Variants in CCDC102B observed in about 807,000 individuals in gnomAD.
CCDC102B encodes coiled-coil domain containing 102B, also known as coiled-coil domain-containing protein 102B.
CCDC102B carries 75 observed loss-of-function variants against 57.4 expected under a neutral mutation model. The ratio of observed to expected loss-of-function variants is 1.31; its 90% CI spans 1.08 to 1.58. The LOEUF (loss-of-function observed/expected upper bound fraction) is 1.58, where lower values mean the gene tolerates loss of function less well. Among genes scored for constraint, CCDC102B ranks in the 40% most tolerant of loss-of-function variants. The pLI is 0.00. For missense variants in CCDC102B, 636 were observed against 582.6 expected (o/e 1.09, Z -0.94); for synonymous variants, 206 against 201.9 (o/e 1.02, Z -0.17).
In CCDC102B at chr18:68,816,297, G is replaced by A. The variant is rs1190156707; in HGVS notation, c.-16+18116G>A. Among the ~76,000 whole-genome samples, 5 of 152,080 alleles carry A rather than the reference G, an allele frequency of 3.3e-5. No individual in the cohort carries two copies. The East Asian group carries it at 9.6e-4, about 29-fold the overall frequency. ...TACATTGTGCCTGGGGTATCTGGGTGTGCATATTGTAGCATATATTCTAAC... is the reference window on the plus strand; with the variant it reads ...TACATTGTGCCTGGGGTATCTGGGTATGCATATTGTAGCATATATTCTAAC... On this transcript the variant is annotated intron_variant, in intron 1 of 7. Coordinates refer to ENST00000360242, the MANE Select transcript of CCDC102B (RefSeq NM_024781.3).
At chr18:68,888,361 A>G (rs2039961327) in intron 5 of CCDC102B, among the ~76,000 whole-genome samples, 2 of 152,208 alleles carry the variant, frequency 1.3e-5, no homozygotes, top group African/African-American at 2.4e-5. Context: ...AGATTAGTTC[A>G]GTGATAGAAT....
intron 6 of CCDC102B, among the ~76,000 whole-genome samples, chr18:68,940,267 A>T (rs1453608119): frequency 1.3e-5 from 2 of 151,870 alleles, no homozygotes; most frequent in Non-Finnish European, 2.9e-5. Flanking sequence ...TCGTTTTCAG[A>T]TATTAGGCAA....
chr18:68,816,260 G>T (rs1284746609), intron 1 of CCDC102B, among the ~76,000 whole-genome samples: 1 of 152,138 alleles, frequency 6.6e-6, no homozygotes, highest in Non-Finnish European at 1.5e-5. Flanking sequence ...GAATGATTAT[G>T]TATTGAATGT....
chr18:68,758,248 T>C (rs1183032726), intron 2 of CCDC102B, among the ~76,000 whole-genome samples: 4 of 151,732 alleles, frequency 2.6e-5, no homozygotes, highest in African/African-American at 9.7e-5. Context: ...GTGTTACATA[T>C]GTGTATATAT....
intron 3 of CCDC102B, among the ~76,000 whole-genome samples, chr18:68,845,950 G>C (rs1040973577): frequency 6.6e-6 from 1 of 151,628 alleles, no homozygotes; most frequent in Non-Finnish European, 1.5e-5. Flanking sequence ...ACAATATGAA[G>C]ATGGATAGAA....
intron 6 of CCDC102B, among the ~76,000 whole-genome samples, chr18:68,969,629 G>C (rs1297487460): frequency 6.6e-6 from 1 of 151,804 alleles, no homozygotes; most frequent in Non-Finnish European, 1.5e-5. Flanking sequence ...AATATACATA[G>C]TGATAAAACA....
At chr18:68,737,234 C>G (rs928814841) in intron 2 of CCDC102B, among the ~76,000 whole-genome samples, 4 of 152,072 alleles carry the variant, frequency 2.6e-5, no homozygotes, top group African/African-American at 9.7e-5. Flanking sequence ...TTGACAGTCC[C>G]TGGGGACGCT....
At chr18:68,856,266 A>G (rs2038381599) in intron 4 of CCDC102B, among the ~76,000 whole-genome samples, 1 of 152,136 alleles carries the variant, frequency 6.6e-6, no homozygotes, top group African/African-American at 2.4e-5. Flanking sequence ...GGAAAAATGT[A>G]AAACATGCTT....
chr18:68,719,484 A>T (rs1399640002), intron 2 of CCDC102B, among the ~76,000 whole-genome samples: 1 of 152,174 alleles, frequency 6.6e-6, no homozygotes, highest in Non-Finnish European at 1.5e-5. Context: ...AGGAGTAGTG[A>T]TATCCAAGGG....
At chr18:68,865,494 C>A (rs1367926558) in intron 4 of CCDC102B, among the ~76,000 whole-genome samples, 1 of 152,122 alleles carries the variant, frequency 6.6e-6, no homozygotes, top group Non-Finnish European at 1.5e-5. Flanking sequence ...TAATTCCTCA[C>A]AGGAATAGGT....
chr18:68,897,703 G>GT (rs2040294253), intron 6 of CCDC102B: 4 of 1,194,344 alleles, frequency 3.3e-6, no homozygotes, highest in African/African-American at 3.1e-5. Flanking sequence ...GAACTTTCTG[G>GT]TTTTTTGTTT....
intron 7 of CCDC102B, among the ~76,000 whole-genome samples, chr18:69,032,961 A>G (rs1021483515): frequency 1.3e-5 from 2 of 152,176 alleles, no homozygotes; most frequent in African/African-American, 4.8e-5. Context: ...AACAATAATC[A>G]TACATTATCT....
At chr18:68,911,751 CAA>C (rs74175338) in intron 6 of CCDC102B, among the ~76,000 whole-genome samples, 583 of 17,946 alleles carry the variant, frequency 0.032, 1 homozygote, top group African/African-American at 0.1. Flanking sequence ...GACTCCGTCT[CAA>C]AAAAAAAAAA....
intron 6 of CCDC102B, among the ~76,000 whole-genome samples, chr18:68,987,986 A>C (rs1219905199): frequency 6.6e-6 from 1 of 152,200 alleles, no homozygotes; most frequent in African/African-American, 2.4e-5. Flanking sequence ...AGCAGTTTGG[A>C]GATTTCTCAA....
At chr18:68,911,303 A>G (rs530841060) in intron 6 of CCDC102B, among the ~76,000 whole-genome samples, 78 of 152,330 alleles carry the variant, frequency 5.1e-4, no homozygotes, top group African/African-American at 1.8e-3. Flanking sequence ...AATAGTGTGG[A>G]GGCTATTATC....
chr18:68,933,097 T>TAA (rs796687669), intron 6 of CCDC102B, among the ~76,000 whole-genome samples: 18 of 127,674 alleles, frequency 1.4e-4, no homozygotes, highest in African/African-American at 4.2e-4. Flanking sequence ...TTACTCCTCA[T>TAA]AAAAAAAAAA....
At chr18:68,896,989 G>A (rs1278663820) in intron 5 of CCDC102B, among the ~76,000 whole-genome samples, 1 of 152,080 alleles carries the variant, frequency 6.6e-6, no homozygotes, top group Non-Finnish European at 1.5e-5. Context: ...ACATATGGCT[G>A]TAGAGATAGT....
intron 7 of CCDC102B, among the ~76,000 whole-genome samples, chr18:69,030,283 T>C (rs1315140403): frequency 6.6e-6 from 1 of 152,194 alleles, no homozygotes; most frequent in Non-Finnish European, 1.5e-5. Context: ...GTTCAAATCT[T>C]TTTTCTCTAA....
At chr18:68,933,799 T>C (rs2041758529) in intron 6 of CCDC102B, among the ~76,000 whole-genome samples, 1 of 151,868 alleles carries the variant, frequency 6.6e-6, no homozygotes, top group Non-Finnish European at 1.5e-5. Context: ...GCTGAAACTT[T>C]TATGGTCCTC....
Sources: gnomAD v4.1 joint callset for allele counts (sites outside exome capture counted in the v4.1 genomes callset) on GRCh38, gnomAD v4.1.1 for gene constraint, MANE v1.5 for transcripts, NCBI Gene and HGNC (gene_info 2026-07-23, HGNC 2026-07-21) for gene names.